The following BCL10 variants were observed in gnomAD, a reference collection of about 807,000 sequenced individuals.
The protein encoded by BCL10 is B-cell lymphoma/leukemia 10.
In BCL10, 5 loss-of-function variants were observed where a neutral mutation model predicts 19.2. The ratio of observed to expected loss-of-function variants is 0.26; its 90% confidence interval spans 0.14 to 0.55. The LOEUF (loss-of-function observed/expected upper bound fraction) is 0.55, where lower values mean the gene tolerates loss of function less well. Ranked by LOEUF, BCL10 falls within the 20% of genes least tolerant of loss-of-function variation. BCL10 has a pLI of 0.94. For missense variants in BCL10, 201 were observed against 271.9 expected (o/e 0.74, Z 1.83); for synonymous variants, 110 against 98.8 (o/e 1.11, Z -0.67).
In BCL10 at chr1:85,276,342, G is replaced by C. The variant is rs1490837511; in HGVS notation, c.11C>G (p.Thr4Ser). The C allele has an allele frequency of 2.5e-6, 4 of 1,613,628 alleles. No homozygotes were observed. Among genetic ancestry groups the C allele is most frequent in the Non-Finnish European group, 3.4e-6 (4 of 1,179,656 alleles). MEP[T>S]APSLTEEDLT... ...GTCCTCCTCGGTGAGGGACGGTGCGGTGGGCTCCATGGTGGAGGCGGGAGA... is the reference window on the plus strand; with the variant it reads ...GTCCTCCTCGGTGAGGGACGGTGCGCTGGGCTCCATGGTGGAGGCGGGAGA... The change falls in exon 1 of 3, where the codon ACC becomes AGC. Residue 4 changes from threonine to serine, a missense_variant. By Grantham distance (58) the Thr-to-Ser change is moderately conservative. Coordinates refer to ENST00000648566, the MANE Select transcript of BCL10 (RefSeq NM_003921.5).
intron 1 of BCL10, among the ~76,000 whole-genome samples, chr1:85,274,706 A>G (rs1265868010): frequency 6.6e-6 from 1 of 152,224 alleles, no homozygotes; most frequent in East Asian, 1.9e-4. Flanking sequence ...GGAAATAAGG[A>G]CCTAGAGTGG....
intron 1 of BCL10, among the ~76,000 whole-genome samples, chr1:85,271,585 T>C (rs1660372214): frequency 6.6e-6 from 1 of 152,166 alleles, no homozygotes; most frequent in Non-Finnish European, 1.5e-5. Flanking sequence ...GCTTAATTAG[T>C]AGAAAATCCA....
At chr1:85,275,124 G>A (rs745432500) in intron 1 of BCL10, among the ~76,000 whole-genome samples, 5 of 152,224 alleles carry the variant, frequency 3.3e-5, no homozygotes, top group Non-Finnish European at 5.9e-5. Context: ...AACATAGGAG[G>A]CCTAGCTCTT....
In BCL10 at chr1:85,266,719, C is replaced by T. The variant is rs548887562; in HGVS notation, c.*908G>A. On this transcript the variant is annotated 3_prime_UTR_variant, in exon 3 of 3. Transcript: ENST00000648566. ...AAACACCGTCTCTACAAAAATAATA[C>T]AAAAATTAGTGAGGCATGGTGGCAC... 1 of 180,276 alleles carries T rather than the reference C, an allele frequency of 5.5e-6. No homozygotes were observed. The highest frequency in any genetic ancestry group is 1.2e-5 in the Non-Finnish European group (1 of 84,600). 11.2% of individuals were successfully genotyped at this position (180,276 alleles called of 1,614,324 possible). A position where few individuals can be genotyped will look rare whatever the true frequency, so the allele number is the denominator to read the frequency against.
In BCL10 at chr1:85,270,686, T is replaced by C. The variant is rs1660347136; in HGVS notation, c.278A>G (p.Asn93Ser). Residue 93 changes from asparagine to serine, a missense_variant, in exon 2 of 3, where the codon AAC becomes AGC. Around this residue, in one of 3 missense-constraint regions of BCL10, gnomAD observed 51 missense variants for 118.8 expected, o/e 0.43. Transcript: ENST00000648566. ...VESIRREKTQ[N>S]FLIQKITDEV... ...ATCTGTAATCTTCTGTATCAGGAAG[T>C]TCTGTGTTTTTTCTCGCCGAATAGA... 6.2e-7 allele frequency: 1 copy of C among 1,613,520 alleles called. No individual in the cohort carries two copies. The highest frequency in any genetic ancestry group is 1.1e-5 in the South Asian group (1 of 90,908).
intron 1 of BCL10, among the ~76,000 whole-genome samples, chr1:85,272,377 G>C (rs12061512): frequency 0.23 from 34,565 of 151,200 alleles, 4,045 homozygotes; most frequent in Middle Eastern, 0.28. Flanking sequence ...CTACAGGTGT[G>C]AGCCACCATG....
chr1:85,270,924 T>C lies in BCL10; in HGVS notation c.58-18A>G, dbSNP rs376905449. 181 of 1,587,474 alleles carry C rather than the reference T, an allele frequency of 1.1e-4. No individual in the cohort carries two copies. The highest frequency in any genetic ancestry group is 1.5e-4 in the Non-Finnish European group (175 of 1,171,660). On this transcript the variant is annotated intron_variant, in intron 1 of 2. Coordinates refer to ENST00000648566, the MANE Select transcript of BCL10 (RefSeq NM_003921.5). The stretch of plus-strand genomic sequence containing the variant: ...TCTAAGGCCTAAAAGACATAAAATA[T>C]GGTTCAATGTTATTTTTAACATCTA...
intron 2 of BCL10, 57 bp downstream of exon 2, chr1:85,270,561 A>T: frequency 6.6e-7 from 1 of 1,515,040 alleles, no homozygotes. Flanking sequence ...CCTGCTCTGC[A>T]TTTTTTAAAA....
chr1:85,271,252 T>C (rs188424133), intron 1 of BCL10, among the ~76,000 whole-genome samples: 38 of 152,332 alleles, frequency 2.5e-4, no homozygotes, highest in Non-Finnish European at 2.2e-4. Context: ...ACATTTTAGC[T>C]ATCAGTTGGC....
At chr1:85,275,254 T>C (rs1342770654) in intron 1 of BCL10, among the ~76,000 whole-genome samples, 1 of 152,244 alleles carries the variant, frequency 6.6e-6, no homozygotes, top group Non-Finnish European at 1.5e-5. Flanking sequence ...TCTTCATTTT[T>C]TTGTATCCTT....
At chr1:85,274,365 T>C (rs933440060) in intron 1 of BCL10, among the ~76,000 whole-genome samples, 6 of 152,148 alleles carry the variant, frequency 3.9e-5, no homozygotes, top group South Asian at 2.1e-4. Flanking sequence ...CCTCAAGAAA[T>C]TGAGCTCTTT....
At chr1:85,270,475 G>A in intron 2 of BCL10, 143 bp downstream of exon 2, 1 of 709,690 alleles carries the variant, frequency 1.4e-6, no homozygotes, top group Non-Finnish European at 2.3e-6. Context: ...GTCTCGCTAT[G>A]TTGCCCAGGC....
rs1660263656 is a variant in BCL10, at chr1:85,268,426, AAC to A, written c.347-446_347-445del. Among the ~76,000 whole-genome samples the A allele has an allele frequency of 2.6e-5, 4 of 152,332 alleles. No individual in the cohort carries two copies. In the East Asian group the frequency reaches 7.7e-4, roughly 29 times the overall value. On this transcript the variant is annotated intron_variant, in intron 2 of 2. Transcript: ENST00000648566. The stretch of plus-strand genomic sequence containing the variant: ...TAATTCTTGAATAATAGGATATTAG[AAC>A]TAAAAGGAATTTTAGAGGTCACCTA...
chr1:85,267,387 T>C lies in BCL10; in HGVS notation c.*240A>G, dbSNP rs1034709921. ...AAATAGAAAATATTTAAAAAAGTACTGAAAGACCTTAAAAAGGAAAAAAAG... is the reference window on the plus strand; with the variant it reads ...AAATAGAAAATATTTAAAAAAGTACCGAAAGACCTTAAAAAGGAAAAAAAG... On this transcript the variant is annotated 3_prime_UTR_variant, in exon 3 of 3. Transcript: ENST00000648566. 2 of 411,502 alleles carry C rather than the reference T, an allele frequency of 4.9e-6. No individual in the cohort carries two copies. Among genetic ancestry groups the C allele is most frequent in the South Asian group, 1.0e-4 (2 of 19,164 alleles). 25.5% of individuals were successfully genotyped at this position (411,502 alleles called of 1,614,324 possible). A position where few individuals can be genotyped will look rare whatever the true frequency, so the allele number is the denominator to read the frequency against.
At chr1:85,275,082 G>C (rs755456788) in intron 1 of BCL10, among the ~76,000 whole-genome samples, 2 of 152,188 alleles carry the variant, frequency 1.3e-5, no homozygotes, top group Non-Finnish European at 2.9e-5. Flanking sequence ...GGTTAAGTGG[G>C]AACATTGTAA....
chr1:85,268,246 C>T (rs2252408), intron 2 of BCL10, among the ~76,000 whole-genome samples: 121,422 of 152,152 alleles, frequency 0.8, 48,616 homozygotes, highest in African/African-American at 0.85. Context: ...TAAGGTACAG[C>T]GTACATATAA....
At chr1:85,271,452 A>T (rs1187168677) in intron 1 of BCL10, among the ~76,000 whole-genome samples, 1 of 152,208 alleles carries the variant, frequency 6.6e-6, no homozygotes, top group Non-Finnish European at 1.5e-5. Context: ...TAACTCAGTG[A>T]ATCAGTCTTG....
At position 85,270,956 on chromosome 1, in the gene BCL10, T is replaced by C. The variant is rs745592986; in HGVS notation, c.58-50A>G. On this transcript the variant is annotated intron_variant, in intron 1 of 2. Transcript: ENST00000648566. ...ATGTTATTTTTAACATCTAAGAAAATCACATACGTGACTATTAGTTGGCAG... is the reference window on the plus strand; with the variant it reads ...ATGTTATTTTTAACATCTAAGAAAACCACATACGTGACTATTAGTTGGCAG... 5.8e-6 allele frequency: 9 copies of C among 1,545,308 alleles called. No homozygotes were observed. The South Asian group carries it at 9.4e-5, about 16-fold the overall frequency.
chr1:85,268,021 TA>T, intron 2 of BCL10, 39 bp from the exon 3 acceptor site: 1 of 1,360,820 alleles, frequency 7.3e-7, no homozygotes, highest in Non-Finnish European at 9.9e-7. Flanking sequence ...AAAAAGTAAC[TA>T]AAAAAATGGA....
Sources: gnomAD v4.1 joint callset for allele counts (sites outside exome capture counted in the v4.1 genomes callset) on GRCh38, gnomAD v4.1.1 for gene constraint, gnomAD v4.1.1 regional missense constraint, MANE v1.5 for transcripts, NCBI Gene and HGNC (gene_info 2026-07-23, HGNC 2026-07-21) for gene names.